Variants in GABRG3 observed in about 807,000 individuals in gnomAD.
GABRG3 encodes the protein gamma-aminobutyric acid type A receptor subunit gamma3, also known as gamma-aminobutyric acid receptor subunit gamma-3.
GABRG3 carries 25 observed loss-of-function variants against 48.8 expected under a neutral mutation model. The observed-to-expected ratio is 0.51, with a 90% CI of 0.37 to 0.72. GABRG3 has a LOEUF of 0.72. GABRG3 is among the 30% of genes least tolerant of loss of function. The pLI is 0.00. For missense variants in GABRG3, 394 were observed against 577.9 expected (o/e 0.68, Z 3.26); for synonymous variants, 227 against 217.6 (o/e 1.04, Z -0.38).
chr15:27,326,114 A>G (rs1453297885), intron 3 of GABRG3, among the ~76,000 whole-genome samples: 2 of 152,254 alleles, frequency 1.3e-5, no homozygotes, highest in Admixed American at 1.3e-4. Flanking sequence ...ATGGCTGCAC[A>G]AAGTCTTACT....
intron 3 of GABRG3, among the ~76,000 whole-genome samples, chr15:27,195,847 C>T (rs954622048): frequency 2.6e-5 from 4 of 152,120 alleles, no homozygotes; most frequent in Non-Finnish European, 4.4e-5. Context: ...TTTGGCCAGG[C>T]TGGCCTCAAA....
intron 3 of GABRG3, among the ~76,000 whole-genome samples, chr15:27,218,320 C>T (rs780780574): frequency 2.6e-5 from 4 of 152,270 alleles, no homozygotes; most frequent in East Asian, 3.9e-4. Context: ...CTGTCTTATT[C>T]GTGGCAGGAA....
intron 5 of GABRG3, among the ~76,000 whole-genome samples, chr15:27,444,618 C>T (rs1282237567): frequency 6.6e-6 from 1 of 152,086 alleles, no homozygotes; most frequent in Non-Finnish European, 1.5e-5. Flanking sequence ...AGCTATTAGT[C>T]CTTTTTAATA....
At chr15:27,480,878 G>C (rs1431809407) in intron 6 of GABRG3, 91 bp downstream of exon 6, 1 of 1,506,966 alleles carries the variant, frequency 6.6e-7, no homozygotes, top group South Asian at 1.3e-5. Context: ...AGCCTTTTGG[G>C]CAACCATGAT....
intron 5 of GABRG3, among the ~76,000 whole-genome samples, chr15:27,467,723 T>C (rs1889659038): frequency 6.6e-6 from 1 of 152,260 alleles, no homozygotes; most frequent in Non-Finnish European, 1.5e-5. Flanking sequence ...TCTTCTATTT[T>C]GGCTGCATGT....
At chr15:27,006,202 TTTTG>T (rs1381759449) in intron 2 of GABRG3, among the ~76,000 whole-genome samples, 6 of 152,210 alleles carry the variant, frequency 3.9e-5, no homozygotes, top group Non-Finnish European at 5.9e-5. Flanking sequence ...TTCCAACTTT[TTTTG>T]TTTGTTTGTT....
intron 3 of GABRG3, among the ~76,000 whole-genome samples, chr15:27,161,734 C>G (rs1887199385): frequency 6.6e-6 from 1 of 151,786 alleles, no homozygotes; most frequent in African/African-American, 2.4e-5. Flanking sequence ...GGTAGGAGTT[C>G]AAGGTTCATG....
At chr15:27,280,151 T>A (rs1891388141) in intron 3 of GABRG3, among the ~76,000 whole-genome samples, 1 of 152,164 alleles carries the variant, frequency 6.6e-6, no homozygotes, top group South Asian at 2.1e-4. Flanking sequence ...CATTGATTTC[T>A]GCTGTGATTT....
chr15:27,361,123 G>A (rs768848215), intron 5 of GABRG3, among the ~76,000 whole-genome samples: 4 of 152,226 alleles, frequency 2.6e-5, no homozygotes, highest in Admixed American at 2.0e-4. Flanking sequence ...TGGCTGTGGC[G>A]TTTAGCTTTC....
At chr15:27,301,795 T>G (rs1252413851) in intron 3 of GABRG3, among the ~76,000 whole-genome samples, 1 of 151,856 alleles carries the variant, frequency 6.6e-6, no homozygotes, top group Non-Finnish European at 1.5e-5. Context: ...ATTACATTTT[T>G]TACAAAAAAT....
At chr15:27,123,578 C>T (rs967241320) in intron 3 of GABRG3, among the ~76,000 whole-genome samples, 23 of 152,180 alleles carry the variant, frequency 1.5e-4, no homozygotes, top group Admixed American at 1.2e-3. Flanking sequence ...GTTAATCAGC[C>T]ATAGCAGCAC....
intron 5 of GABRG3, among the ~76,000 whole-genome samples, chr15:27,370,986 G>A (rs1361606707): frequency 1.3e-5 from 2 of 152,156 alleles, no homozygotes; most frequent in Non-Finnish European, 2.9e-5. Flanking sequence ...GATAATAGGG[G>A]AAAACAGACA....
At chr15:27,491,436 A>T (rs8035979) in intron 6 of GABRG3, among the ~76,000 whole-genome samples, 65,312 of 152,108 alleles carry the variant, frequency 0.43, 14,873 homozygotes, top group Middle Eastern at 0.52. Context: ...CAAAGTTTAC[A>T]TCTTTCTTCC....
intron 5 of GABRG3, among the ~76,000 whole-genome samples, chr15:27,442,397 G>A (rs560512585): frequency 2.0e-5 from 3 of 152,330 alleles, no homozygotes; most frequent in East Asian, 3.9e-4. Flanking sequence ...GCTGAGAGAC[G>A]GACCAAAGGA....
chr15:27,062,523 G>A (rs938985601), intron 3 of GABRG3, among the ~76,000 whole-genome samples: 17 of 150,950 alleles, frequency 1.1e-4, no homozygotes, highest in African/African-American at 2.9e-4. Flanking sequence ...CAGGAGAATC[G>A]CTTGAACCTG....
At chr15:27,251,129 C>T (rs1890443443) in intron 3 of GABRG3, among the ~76,000 whole-genome samples, 1 of 152,202 alleles carries the variant, frequency 6.6e-6, no homozygotes, top group South Asian at 2.1e-4. Context: ...GAAGGTCAAC[C>T]TTGTTGTTCT....
At chr15:27,380,785 AC>A (rs1895744635) in intron 5 of GABRG3, among the ~76,000 whole-genome samples, 2 of 133,064 alleles carry the variant, frequency 1.5e-5, no homozygotes, top group Non-Finnish European at 3.1e-5. Context: ...TTTTTTTGAG[AC>A]AGCGAGTCTC....
chr15:27,112,790 T>G (rs894764996), intron 3 of GABRG3, among the ~76,000 whole-genome samples: 3 of 152,194 alleles, frequency 2.0e-5, no homozygotes, highest in Admixed American at 6.5e-5. Flanking sequence ...ATGTCCATTG[T>G]GTGGACACCC....
At chr15:27,010,765 T>G (rs183246841) in intron 2 of GABRG3, among the ~76,000 whole-genome samples, 1 of 152,316 alleles carries the variant, frequency 6.6e-6, no homozygotes, top group African/African-American at 2.4e-5. Context: ...CTCCATTGCC[T>G]TTGCCGTTCC....
Sources: gnomAD v4.1 joint callset for allele counts (sites outside exome capture counted in the v4.1 genomes callset) on GRCh38, gnomAD v4.1.1 for gene constraint, MANE v1.5 for transcripts, NCBI Gene and HGNC (gene_info 2026-07-23, HGNC 2026-07-21) for gene names.